RABL3: variants seen among roughly 807,000 people sequenced by gnomAD.
RABL3 encodes RAB, member of RAS oncogene family like 3.
In RABL3, 31 loss-of-function variants were observed where a neutral mutation model predicts 31.8. The observed-to-expected ratio is 0.97, with a 90% CI of 0.73 to 1.31. The LOEUF is 1.31. Ranked by LOEUF, RABL3 falls within the 40% of genes most tolerant of loss-of-function variation. The pLI is 0.00. For missense variants in RABL3, 263 were observed against 279.6 expected (o/e 0.94, Z 0.42); for synonymous variants, 97 against 99.9 (o/e 0.97, Z 0.18).
intron 4 of RABL3, among the ~76,000 whole-genome samples, chr3:120,700,436 C>T (rs2107578327): frequency 6.6e-6 from 1 of 151,990 alleles, no homozygotes; most frequent in African/African-American, 2.4e-5. Flanking sequence ...CCATCTTCTT[C>T]TACAAATAAA....
chr3:120,741,143 C>T (rs2107601382), intron 1 of RABL3, among the ~76,000 whole-genome samples: 1 of 152,354 alleles, frequency 6.6e-6, no homozygotes, highest in Middle Eastern at 3.4e-3. Context: ...GTAAATTCTA[C>T]TCAGTGATAC....
At chr3:120,734,144 C>T (rs983552647) in intron 1 of RABL3, among the ~76,000 whole-genome samples, 2 of 152,168 alleles carry the variant, frequency 1.3e-5, no homozygotes, top group Admixed American at 1.3e-4. Flanking sequence ...GGCAGTATGG[C>T]CATTTTCATG....
intron 2 of RABL3, among the ~76,000 whole-genome samples, chr3:120,726,569 C>G (rs1270215193): frequency 2.6e-5 from 4 of 151,802 alleles, no homozygotes; most frequent in African/African-American, 7.3e-5. Context: ...GGCAAAACCC[C>G]ATCTCTATTA....
intron 1 of RABL3, among the ~76,000 whole-genome samples, chr3:120,740,973 AC>A (rs1205630559): frequency 1.3e-5 from 2 of 152,192 alleles, no homozygotes; most frequent in Admixed American, 1.3e-4. Context: ...CACAGTTATA[AC>A]CCCAGAACCT....
At chr3:120,722,594 T>C (rs1167815415) in intron 2 of RABL3, 1 of 152,130 alleles carries the variant, frequency 6.6e-6, no homozygotes, top group Non-Finnish European at 1.5e-5. Flanking sequence ...TTTCTAACAC[T>C]TACAACAAAA....
intron 6 of RABL3, among the ~76,000 whole-genome samples, chr3:120,693,169 C>T (rs1708399996): frequency 6.6e-6 from 1 of 151,780 alleles, no homozygotes. Flanking sequence ...CATCTGTACC[C>T]TATTTCCCAC....
intron 2 of RABL3, among the ~76,000 whole-genome samples, chr3:120,723,439 CT>C (rs1263319645): frequency 6.6e-6 from 1 of 152,194 alleles, no homozygotes; most frequent in Admixed American, 6.5e-5. Flanking sequence ...TCCTCCCTAA[CT>C]CATTTTATGA....
At chr3:120,735,295 T>G (rs1161968928) in intron 1 of RABL3, among the ~76,000 whole-genome samples, 1 of 152,218 alleles carries the variant, frequency 6.6e-6, no homozygotes, top group African/African-American at 2.4e-5. Context: ...GTCCAGGAAT[T>G]TATCCATTTC....
intron 2 of RABL3, among the ~76,000 whole-genome samples, chr3:120,726,600 G>A (rs1001883797): frequency 4.6e-5 from 7 of 151,894 alleles, no homozygotes; most frequent in African/African-American, 9.7e-5. Flanking sequence ...AAAATTAGCC[G>A]GCCATGGTGG....
intron 6 of RABL3, among the ~76,000 whole-genome samples, chr3:120,692,028 G>T (rs1016196891): frequency 2.0e-5 from 3 of 152,152 alleles, no homozygotes; most frequent in South Asian, 2.1e-4. Flanking sequence ...AGAAAAGTTG[G>T]TTTATCATTA....
At chr3:120,707,572 C>A (rs528690184) in intron 3 of RABL3, among the ~76,000 whole-genome samples, 1 of 152,152 alleles carries the variant, frequency 6.6e-6, no homozygotes, top group African/African-American at 2.4e-5. Flanking sequence ...TCAGAATTTG[C>A]ACTCAGGTAA....
At chr3:120,706,186 C>T in intron 3 of RABL3, 72 bp from the exon 4 acceptor site, 1 of 941,738 alleles carries the variant, frequency 1.1e-6, no homozygotes, top group South Asian at 1.4e-5. Flanking sequence ...CCAAATGAAG[C>T]TTAGTAAACA....
At chr3:120,715,107 C>T (rs1304613136) in intron 2 of RABL3, among the ~76,000 whole-genome samples, 2 of 152,166 alleles carry the variant, frequency 1.3e-5, no homozygotes, top group Non-Finnish European at 2.9e-5. Context: ...TTCTTGGGGA[C>T]AGTCCATCTA....
At chr3:120,727,468 A>T (rs1033608041) in intron 2 of RABL3, among the ~76,000 whole-genome samples, 4 of 152,146 alleles carry the variant, frequency 2.6e-5, no homozygotes, top group Non-Finnish European at 5.9e-5. Context: ...AACTTCCCGC[A>T]AAGAAAAACT....
chr3:120,700,225 CAA>C (rs1708479056), intron 4 of RABL3, among the ~76,000 whole-genome samples: 1 of 151,946 alleles, frequency 6.6e-6, no homozygotes, highest in South Asian at 2.1e-4. Context: ...CTTAACATCA[CAA>C]AGAGACACAC....
chr3:120,714,061 T>C (rs1445043061), intron 2 of RABL3, among the ~76,000 whole-genome samples: 1 of 152,122 alleles, frequency 6.6e-6, no homozygotes, highest in African/African-American at 2.4e-5. Context: ...CCGCCTGCCT[T>C]GGCCTCCCAA....
intron 5 of RABL3, among the ~76,000 whole-genome samples, chr3:120,696,462 G>A (rs1299587893): frequency 6.6e-6 from 1 of 151,970 alleles, no homozygotes; most frequent in East Asian, 1.9e-4. Flanking sequence ...GCTGTACACT[G>A]ATAAAGGCCA....
intron 1 of RABL3, among the ~76,000 whole-genome samples, chr3:120,732,118 A>G (rs374930449): frequency 2.0e-5 from 3 of 152,296 alleles, no homozygotes; most frequent in Admixed American, 6.5e-5. Flanking sequence ...TCCACAAGAA[A>G]AGTTTTTCTA....
chr3:120,688,292 A>G lies in RABL3; in HGVS notation c.*1531T>C, dbSNP rs1278753174. The stretch of plus-strand genomic sequence containing the variant: ...CTATGCAACAACATACTTGTGACCA[A>G]TTCTACATACAGATCATGATTTGCA... On this transcript the variant is annotated 3_prime_UTR_variant, in exon 8 of 8. Transcript: ENST00000273375. The G allele has an allele frequency of 1.3e-5, 2 of 152,602 alleles. No individual in the cohort carries two copies. The highest frequency in any genetic ancestry group is 1.5e-5 in the Non-Finnish European group (1 of 68,036). 9.5% of individuals were successfully genotyped at this position (152,602 alleles called of 1,614,324 possible).
Sources: allele counts gnomAD v4.1 joint callset (sites outside exome capture counted in the v4.1 genomes callset), GRCh38; gene constraint gnomAD v4.1.1; transcripts MANE v1.5; gene names NCBI Gene and HGNC (gene_info 2026-07-23, HGNC 2026-07-21).